Variants in FAM114A1 observed in about 807,000 individuals in gnomAD.
The protein encoded by FAM114A1 is protein NOXP20.
A neutral mutation model predicts 64.3 loss-of-function variants in FAM114A1; 62 were observed. That is an observed-to-expected ratio of 0.96 (90% CI 0.79 to 1.19). The LOEUF is 1.19. Ranked by LOEUF, FAM114A1 falls within the 50% of genes most tolerant of loss-of-function variation. FAM114A1 has a pLI of 0.00. For synonymous variants in FAM114A1, 254 were observed against 251.1 expected (o/e 1.01, Z -0.11); for missense variants, 645 against 676.3 (o/e 0.95, Z 0.51).
intron 2 of FAM114A1, among the ~76,000 whole-genome samples, chr4:38,876,935 C>T (rs1714704000): frequency 6.6e-6 from 1 of 152,236 alleles, no homozygotes; most frequent in African/African-American, 2.4e-5. Context: ...AAATCTCCCT[C>T]TGCCTCCATA....
chr4:38,931,344 A>T, intron 10 of FAM114A1, 107 bp from the exon 11 acceptor site: 1 of 1,315,484 alleles, frequency 7.6e-7, no homozygotes, highest in Non-Finnish European at 1.0e-6. Context: ...ACATACAGAG[A>T]TCCATTCTTG....
At chr4:38,936,404 T>C (rs1721102527) in intron 13 of FAM114A1, among the ~76,000 whole-genome samples, 1 of 151,984 alleles carries the variant, frequency 6.6e-6, no homozygotes, top group African/African-American at 2.4e-5. Flanking sequence ...TGTTTGTTTT[T>C]TTTAAAGTGT....
rs768649787 is a variant in FAM114A1 at position 38,914,986 on chromosome 4, C to T, written c.858C>T (p.Thr286=). ...RLAQQLTMER[T]AHYGMLFDEY... ...CACAGCAGCTCACGATGGAGAGAAC[C>T]GCGCACTACGGGATGCTGTTTGATG... The change falls in exon 8 of 15, where the codon ACC becomes ACT. Residue 286 remains threonine (T), a synonymous_variant. Coordinates refer to ENST00000358869, the MANE Select transcript of FAM114A1 (RefSeq NM_138389.4). 3 of 1,614,000 alleles carry T rather than the reference C, an allele frequency of 1.9e-6. No homozygotes were observed. The highest frequency in any genetic ancestry group is 1.3e-5 in the African/African-American group (1 of 74,892).
At chr4:38,877,692 C>T (rs1014362119) in intron 2 of FAM114A1, among the ~76,000 whole-genome samples, 4 of 152,156 alleles carry the variant, frequency 2.6e-5, no homozygotes, top group South Asian at 2.1e-4. Flanking sequence ...TGGCCGGGCG[C>T]GGTGGCTCAC....
At chr4:38,924,641 C>T (rs1719936459) in intron 9 of FAM114A1, among the ~76,000 whole-genome samples, 1 of 152,176 alleles carries the variant, frequency 6.6e-6, no homozygotes, top group Admixed American at 6.5e-5. Flanking sequence ...TAGAAAGAGG[C>T]CGTATCAGAG....
intron 9 of FAM114A1, among the ~76,000 whole-genome samples, chr4:38,927,498 C>A (rs1003417175): frequency 6.6e-6 from 1 of 152,058 alleles, no homozygotes; most frequent in Non-Finnish European, 1.5e-5. Flanking sequence ...AATCACACCC[C>A]CAAAGCCTCA....
At chr4:38,893,519 GA>G (rs1429503836) in intron 4 of FAM114A1, among the ~76,000 whole-genome samples, 2 of 152,186 alleles carry the variant, frequency 1.3e-5, no homozygotes, top group Non-Finnish European at 2.9e-5. Flanking sequence ...AGTAAACACA[GA>G]AATCATCTGC....
Position 38,943,939 on chromosome 4 carries a change from A to G in FAM114A1, c.*382A>G, listed in dbSNP as rs529458942. The G allele has an allele frequency of 6.0e-6, 1 of 167,204 alleles. No homozygotes were observed. The highest frequency in any genetic ancestry group is 1.5e-4 in the East Asian group (1 of 6,464). The allele number at this position is 167,204 out of a possible 1,614,324, so 10.4% of individuals were successfully genotyped here. A position where few individuals can be genotyped will look rare whatever the true frequency, so the allele number is the denominator to read the frequency against. ...TTATGTTTCAACCTTTAAATGTTCC[A>G]TTCTTATAGTATTACTTTAAATCAA... On this transcript the variant is annotated 3_prime_UTR_variant, in exon 15 of 15. Coordinates refer to ENST00000358869, the MANE Select transcript of FAM114A1 (RefSeq NM_138389.4).
chr4:38,883,367 A>C (rs1052415672), intron 3 of FAM114A1, among the ~76,000 whole-genome samples: 3 of 152,208 alleles, frequency 2.0e-5, no homozygotes, highest in Non-Finnish European at 4.4e-5. Context: ...GGTTGGGAGT[A>C]ACATTTGTTC....
intron 4 of FAM114A1, among the ~76,000 whole-genome samples, chr4:38,904,196 CG>C (rs962470886): frequency 6.6e-6 from 1 of 152,100 alleles, no homozygotes; most frequent in Non-Finnish European, 1.5e-5. Context: ...CGTGAGTGCT[CG>C]GGGGATGGGG....
rs1457861780 is a variant in FAM114A1 at position 38,878,338 on chromosome 4, CT to C, written c.261del (p.Glu88ArgfsTer58). On this transcript the variant is annotated frameshift_variant, in exon 3 of 15. Coordinates refer to ENST00000358869, the MANE Select transcript of FAM114A1 (RefSeq NM_138389.4). LOFTEE classifies it high-confidence loss of function. ...GAGCCCCCTCTCAATGGAGACGTGA[CT>C]GAGGATACACTTGCTGAATGTATTG... Reference protein sequence around the residue: ...ALEPPLNGDVTEDTLAECIDS... With the variant: ...ALEPPLNGDVXEDTLAECIDS... The C allele has an allele frequency of 6.2e-7, 1 of 1,614,196 alleles. No homozygotes were observed. Among genetic ancestry groups the C allele is most frequent in the East Asian group, 2.2e-5 (1 of 44,888 alleles).
chr4:38,908,512 G>A, intron 6 of FAM114A1, 80 bp from the exon 7 acceptor site: 3 of 1,359,514 alleles, frequency 2.2e-6, no homozygotes, highest in Non-Finnish European at 2.0e-6. Flanking sequence ...TGAAGATAGT[G>A]CCAGTTACCT....
In FAM114A1 at chr4:38,908,600, T is replaced by C. The variant is rs774542992; in HGVS notation, c.666T>C (p.Ser222=). 2 of 1,611,150 alleles carry C rather than the reference T, an allele frequency of 1.2e-6. No homozygotes were observed. The highest frequency in any genetic ancestry group is 1.3e-5 in the African/African-American group (1 of 74,904). ...AGTTATCTCATCTGCAGGGTAAAAG[T>C]GTCTTAACTGGAGGCCTTGATGCGT... ...ITNVVQNTGK[S]VLTGGLDALE... Residue 222 remains serine (S), a synonymous_variant, in exon 7 of 15, where the codon AGT becomes AGC. Coordinates refer to ENST00000358869, the MANE Select transcript of FAM114A1 (RefSeq NM_138389.4).
rs752836149 is a variant in FAM114A1, at chr4:38,914,967, A to C, written c.839A>C (p.Gln280Pro). The change falls in exon 8 of 15, where the codon CAG (glutamine) becomes CCG (proline). Residue 280 changes from glutamine (Q) to proline (P), a missense_variant. Coordinates refer to ENST00000358869, the MANE Select transcript of FAM114A1 (RefSeq NM_138389.4). Reference protein sequence around the residue: ...KEKEKQRLAQQLTMERTAHYG... With the variant: ...KEKEKQRLAQPLTMERTAHYG... ...AAGGAGAAGCAGAGACTGGCACAGC[A>C]GCTCACGATGGAGAGAACCGCGCAC... The C allele has an allele frequency of 6.2e-7, 1 of 1,614,158 alleles. No individual in the cohort carries two copies. The highest frequency in any genetic ancestry group is 1.7e-5 in the Admixed American group (1 of 60,014).
At chr4:38,892,239 G>T (rs1165563490) in intron 4 of FAM114A1, among the ~76,000 whole-genome samples, 1 of 152,172 alleles carries the variant, frequency 6.6e-6, no homozygotes, top group Non-Finnish European at 1.5e-5. Context: ...CTCCCAAAAA[G>T]GATTTGAGAT....
At chr4:38,877,877 T>A (rs568617595) in intron 2 of FAM114A1, among the ~76,000 whole-genome samples, 194 bp from the exon 3 acceptor site, 1 of 151,142 alleles carries the variant, frequency 6.6e-6, no homozygotes, top group African/African-American at 2.4e-5. Context: ...GGCAGGAGAA[T>A]CGCTTGAACC....
rs538565553 is a variant in FAM114A1 at position 38,926,540 on chromosome 4, C to G, written c.1070-2702C>G. Among the ~76,000 whole-genome samples, 4 of 151,892 alleles carry G rather than the reference C, an allele frequency of 2.6e-5. No homozygotes were observed. The South Asian group carries it at 8.3e-4, about 32-fold the overall frequency. On this transcript the variant is annotated intron_variant, in intron 9 of 14. Transcript: ENST00000358869. ...TGCAATCTCAGCTCACTTCAACCTC[C>G]GCCCTCCCGGGTTCAAGTGATTCTC...
At chr4:38,917,303 G>A (rs1331919901) in intron 8 of FAM114A1, among the ~76,000 whole-genome samples, 8 of 151,556 alleles carry the variant, frequency 5.3e-5, no homozygotes, top group Admixed American at 2.6e-4. Flanking sequence ...GTGCCACTGC[G>A]TTCTGGCCTG....
intron 6 of FAM114A1, among the ~76,000 whole-genome samples, chr4:38,906,924 C>T (rs1192044007): frequency 6.6e-6 from 1 of 152,076 alleles, no homozygotes; most frequent in Non-Finnish European, 1.5e-5. Context: ...AAAACAACAA[C>T]ACAAACATGA....
Sources: gnomAD v4.1 joint callset for allele counts (sites outside exome capture counted in the v4.1 genomes callset) on GRCh38, gnomAD v4.1.1 for gene constraint, MANE v1.5 for transcripts, NCBI Gene and HGNC (gene_info 2026-07-23, HGNC 2026-07-21) for gene names.